The following KIF26B variants were observed in gnomAD, a reference collection of about 807,000 sequenced individuals.
KIF26B encodes kinesin-like protein KIF26B.
In KIF26B, 63 loss-of-function variants were observed where a neutral mutation model predicts 151.2. The ratio of observed to expected loss-of-function variants is 0.42; its 90% confidence interval spans 0.34 to 0.51. The LOEUF is 0.51. Among genes scored for constraint, KIF26B ranks in the 20% least tolerant of loss-of-function variants. The pLI is 0.07. For missense variants in KIF26B, 2,813 were observed against 2,913.6 expected (o/e 0.97, Z 0.79); for synonymous variants, 1,357 against 1,262.1 (o/e 1.08, Z -1.59).
chr1:245,462,130 GA>G (rs1041931160), intron 4 of KIF26B, among the ~76,000 whole-genome samples: 2 of 151,354 alleles, frequency 1.3e-5, no homozygotes, highest in African/African-American at 4.9e-5. Context: ...CTCAGAAAAA[GA>G]AAAAAAATTA....
chr1:245,379,963 T>A (rs1180163146), intron 3 of KIF26B, among the ~76,000 whole-genome samples: 1 of 135,596 alleles, frequency 7.4e-6, no homozygotes, highest in African/African-American at 3.0e-5. Context: ...AGAGCAAGAC[T>A]CCGTCTCAAA....
intron 2 of KIF26B, among the ~76,000 whole-genome samples, chr1:245,349,599 A>G (rs936683983): frequency 3.3e-5 from 5 of 151,028 alleles, no homozygotes; most frequent in African/African-American, 1.2e-4. Flanking sequence ...ACTCACTCTG[A>G]TATTAACTGC....
chr1:245,600,891 A>G (rs1401862628), intron 5 of KIF26B, among the ~76,000 whole-genome samples: 3 of 152,182 alleles, frequency 2.0e-5, no homozygotes, highest in Non-Finnish European at 4.4e-5. Context: ...TGTGGGAGGC[A>G]GCAGCTGGCA....
At chr1:245,264,661 G>A (rs1024506265) in intron 2 of KIF26B, among the ~76,000 whole-genome samples, 2 of 152,260 alleles carry the variant, frequency 1.3e-5, no homozygotes, top group Admixed American at 1.3e-4. Flanking sequence ...TTGGGAGGCT[G>A]AGACAGGCAG....
chr1:245,362,344 T>G (rs1479977203), intron 2 of KIF26B, among the ~76,000 whole-genome samples: 1 of 128,660 alleles, frequency 7.8e-6, no homozygotes, highest in Non-Finnish European at 1.6e-5. Context: ...CTGGCCAAGA[T>G]GGTGAAACCC....
chr1:245,411,432 C>T (rs1674280333), intron 3 of KIF26B, among the ~76,000 whole-genome samples: 1 of 152,196 alleles, frequency 6.6e-6, no homozygotes, highest in African/African-American at 2.4e-5. Flanking sequence ...GAAGAGGAAG[C>T]CGTCCCAGGT....
chr1:245,454,265 T>C (rs1278055876), intron 4 of KIF26B, among the ~76,000 whole-genome samples: 5 of 152,238 alleles, frequency 3.3e-5, no homozygotes, highest in African/African-American at 1.2e-4. Flanking sequence ...TCAGCCTGGC[T>C]TCCTTCACGT....
At chr1:245,404,340 G>T (rs1674082283) in intron 3 of KIF26B, among the ~76,000 whole-genome samples, 1 of 152,008 alleles carries the variant, frequency 6.6e-6, no homozygotes, top group African/African-American at 2.4e-5. Context: ...AGGGACTCAA[G>T]GTTTGTAACA....
chr1:245,577,473 G>C (rs1190559538), intron 5 of KIF26B, among the ~76,000 whole-genome samples: 1 of 152,362 alleles, frequency 6.6e-6, no homozygotes, highest in East Asian at 1.9e-4. Context: ...TCTCCAGGGA[G>C]AGAAGAGGGT....
chr1:245,251,727 C>T (rs182664636), intron 2 of KIF26B, among the ~76,000 whole-genome samples: 44 of 152,224 alleles, frequency 2.9e-4, no homozygotes, highest in Middle Eastern at 6.8e-3. Context: ...ATACCAAGTT[C>T]TCCTGTTTGT....
intron 2 of KIF26B, among the ~76,000 whole-genome samples, chr1:245,283,301 C>T (rs546570411): frequency 5.8e-4 from 89 of 152,194 alleles, no homozygotes; most frequent in Non-Finnish European, 1.1e-3. Flanking sequence ...GAGCCCAATC[C>T]GCGCAAGCCC....
chr1:245,493,153 C>T (rs1008240585), intron 4 of KIF26B, among the ~76,000 whole-genome samples: 4 of 152,130 alleles, frequency 2.6e-5, no homozygotes, highest in East Asian at 1.9e-4. Flanking sequence ...TCCTACAATT[C>T]GTTTTGTAAA....
In KIF26B at chr1:245,597,446, A is replaced by G. The variant is rs557946248; in HGVS notation, c.1351-5131A>G. Among the ~76,000 whole-genome samples the G allele has an allele frequency of 6.6e-6, 1 of 152,274 alleles. No individual in the cohort carries two copies. Among genetic ancestry groups the G allele is most frequent in the African/African-American group, 2.4e-5 (1 of 41,562 alleles). ...TGAAAATTCTTTAAGAGTGTTGACT[A>G]TTGGCCCCCACCCTCTTCTGGCTTG... On this transcript the variant is annotated intron_variant, in intron 5 of 14. Transcript: ENST00000407071. This position sits in a 1 kb window ranked among gnomAD's most constrained non-coding sequence, Gnocchi z 4.6.
At chr1:245,413,181 G>A (rs918903050) in intron 3 of KIF26B, among the ~76,000 whole-genome samples, 4 of 152,160 alleles carry the variant, frequency 2.6e-5, no homozygotes, top group Admixed American at 1.3e-4. Context: ...GCTTTTAGAC[G>A]GTGACAGTGA....
chr1:245,653,369 C>T (rs973389727), intron 10 of KIF26B, among the ~76,000 whole-genome samples: 11 of 152,190 alleles, frequency 7.2e-5, no homozygotes, highest in Non-Finnish European at 1.6e-4. Flanking sequence ...TATTTCCTGG[C>T]ATTTCAGCTA....
chr1:245,261,383 G>A (rs1266401874), intron 2 of KIF26B, among the ~76,000 whole-genome samples: 1 of 151,724 alleles, frequency 6.6e-6, no homozygotes, highest in Non-Finnish European at 1.5e-5. Context: ...CGCCCACCTT[G>A]GCCTCCCAAA....
rs111514638 is a variant in KIF26B at position 245,673,287 on chromosome 1, G to C, written c.2259-10946G>C. ...GCCATCTTAGGCCCAGTCCCCGCTG[G>C]GCGCTGCCATCTTAGGCCCAGTCCC... is the stretch of plus-strand genomic sequence containing the variant. On this transcript the variant is annotated intron_variant, in intron 10 of 14. Coordinates refer to ENST00000407071, the MANE Select transcript of KIF26B (RefSeq NM_018012.4). 2.3e-3 allele frequency among the ~76,000 whole-genome samples: 272 copies of C among 116,698 alleles called. 5 individuals carry two copies. The highest frequency in any genetic ancestry group is 6.9e-3 in the African/African-American group (165 of 23,870). The allele number at this position is 116,698 out of a possible 152,430, so 76.6% of individuals were successfully genotyped here.
intron 9 of KIF26B, among the ~76,000 whole-genome samples, chr1:245,632,910 AAAATAAT>A (rs942580074): frequency 6.6e-6 from 1 of 152,272 alleles, no homozygotes; most frequent in African/African-American, 2.4e-5. Flanking sequence ...CCCATACCAA[AAAATAAT>A]AAATAATAAA....
At chr1:245,626,230 CT>C (rs1273962874) in intron 9 of KIF26B, among the ~76,000 whole-genome samples, 6 of 151,988 alleles carry the variant, frequency 3.9e-5, no homozygotes, top group Non-Finnish European at 7.4e-5. Context: ...ATTTCTGTTC[CT>C]TTGGACAAAC....
Sources: gnomAD v4.1 joint callset for allele counts (sites outside exome capture counted in the v4.1 genomes callset) on GRCh38, gnomAD v4.1.1 for gene constraint, Gnocchi (gnomAD v3.1) non-coding constraint, MANE v1.5 for transcripts, NCBI Gene and HGNC (gene_info 2026-07-23, HGNC 2026-07-21) for gene names.